The following CLCN4 variants were observed in gnomAD, a reference collection of about 807,000 sequenced individuals.
CLCN4 encodes the protein Cl-/H+ antiporter 4, also known as H(+)/Cl(-) exchange transporter 4.
A neutral mutation model predicts 41.7 loss-of-function variants in CLCN4; 1 was observed. The ratio of observed to expected loss-of-function variants is 0.02; its 90% CI spans 0.01 to 0.11. The LOEUF is 0.11. Among genes scored for constraint, CLCN4 ranks in the 10% least tolerant of loss-of-function variants. The probability of loss-of-function intolerance (pLI) is 1.00; values close to 1 mark genes in which losing one functional copy is unlikely to be tolerated. For missense variants in CLCN4, 287 were observed against 661.0 expected (o/e 0.43, Z 6.20); for synonymous variants, 277 against 285.8 (o/e 0.97, Z 0.31).
At chrX:10,228,488 C>T (rs1428921594) in intron 12 of CLCN4, among the ~76,000 whole-genome samples, 1 of 110,793 alleles carries the variant, frequency 9.0e-6, no homozygotes, top group Non-Finnish European at 1.9e-5. Context: ...GGGGAGTAGA[C>T]CTGGGCGTGA....
rs910181067 is a variant in CLCN4, at chrX:10,187,759, A to G, written c.244+145A>G. On this transcript the variant is annotated intron_variant, in intron 4 of 12. Transcript: ENST00000380833. ...GAGGGATTTATTACTTGAAATATCT[A>G]AGGGCAAAATGCATGGCTGTATATT... The G allele has an allele frequency of 8.4e-6, 4 of 475,794 alleles. No individual in the cohort carries two copies. The Admixed American group carries it at 1.0e-4, about 12-fold the overall frequency. 39.2% of individuals were successfully genotyped at this position (475,794 alleles called of 1,213,427 possible).
At chrX:10,210,084 T>C (rs1386870320) in intron 9 of CLCN4, among the ~76,000 whole-genome samples, 2 of 111,808 alleles carry the variant, frequency 1.8e-5, no homozygotes, top group Non-Finnish European at 3.8e-5. Flanking sequence ...ATAAATGATA[T>C]CATATAATAT....
At position 10,233,838 on chromosome X, in the gene CLCN4, A is replaced by C. The variant is rs1451143740; in HGVS notation, c.*254A>C. The C allele has an allele frequency of 2.4e-5, 8 of 340,198 alleles. No homozygotes were observed. Among genetic ancestry groups the C allele is most frequent in the African/African-American group, 2.1e-4 (8 of 37,925 alleles). The allele number at this position is 340,198 out of a possible 1,213,427, so 28.0% of individuals were successfully genotyped here. A position where few individuals can be genotyped will look rare whatever the true frequency, so the allele number is the denominator to read the frequency against. On this transcript the variant is annotated 3_prime_UTR_variant, in exon 13 of 13. Coordinates refer to ENST00000380833, the MANE Select transcript of CLCN4 (RefSeq NM_001830.4). ...ATGAGTTTGCTACTGCTGTGGGGGCATGTGGGTGGGTAAATGATGTAAATG... is the reference window on the plus strand; with the variant it reads ...ATGAGTTTGCTACTGCTGTGGGGGCCTGTGGGTGGGTAAATGATGTAAATG...
chrX:10,212,400 C>T, intron 9 of CLCN4, 67 bp from the exon 10 acceptor site: 1 of 1,072,140 alleles, frequency 9.3e-7, no homozygotes, highest in Non-Finnish European at 1.3e-6. Flanking sequence ...GAATGTGTTT[C>T]TTGGGGGTCG....
At position 10,217,112 on chromosome X, in the gene CLCN4, A is replaced by T. The variant is rs747375877; in HGVS notation, c.1975+3033A>T. On this transcript the variant is annotated intron_variant, in intron 11 of 12. Coordinates refer to ENST00000380833, the MANE Select transcript of CLCN4 (RefSeq NM_001830.4). ...CTGTCTTATGGACGCATTTAAAAAAATTTTTTGAGACAGGGTCTCGCTGTT... is the reference window on the plus strand; with the variant it reads ...CTGTCTTATGGACGCATTTAAAAAATTTTTTTGAGACAGGGTCTCGCTGTT... 2.4e-3 allele frequency among the ~76,000 whole-genome samples: 259 copies of T among 106,319 alleles called. 1 individual carries two copies. Among genetic ancestry groups the T allele is most frequent in the African/African-American group, 7.7e-3 (225 of 29,059 alleles). The allele number at this position is 106,319 out of a possible 115,157, so 92.3% of individuals were successfully genotyped here. A position where few individuals can be genotyped will look rare whatever the true frequency, so the allele number is the denominator to read the frequency against.
intron 4 of CLCN4, among the ~76,000 whole-genome samples, chrX:10,192,676 G>C (rs1354990962): frequency 8.9e-6 from 1 of 112,016 alleles, no homozygotes; most frequent in Non-Finnish European, 1.9e-5. Flanking sequence ...GAGTGGCACA[G>C]GTCAGTCTGG....
intron 2 of CLCN4, among the ~76,000 whole-genome samples, chrX:10,175,571 G>A (rs952907567): frequency 8.1e-5 from 9 of 111,575 alleles, no homozygotes; most frequent in African/African-American, 2.6e-4. Context: ...AAGAAATGAA[G>A]CTTTTGAGAT....
At chrX:10,157,362 G>A (rs2239937) in intron 1 of CLCN4, among the ~76,000 whole-genome samples, 50,782 of 110,857 alleles carry the variant, frequency 0.46, 8,568 homozygotes, top group East Asian at 0.94. Context: ...CTTAACTCTA[G>A]CCTGCTTGTA....
chrX:10,172,708 G>A (rs1158471752), intron 2 of CLCN4, among the ~76,000 whole-genome samples: 2 of 109,790 alleles, frequency 1.8e-5, no homozygotes, highest in Non-Finnish European at 3.8e-5. Flanking sequence ...TGTGAGCATT[G>A]TGGGGGCAGA....
At chrX:10,169,791 CT>C (rs768158943) in intron 2 of CLCN4, among the ~76,000 whole-genome samples, 35 of 58,520 alleles carry the variant, frequency 6.0e-4, no homozygotes, top group East Asian at 1.6e-3. Flanking sequence ...CTTTTCTTTT[CT>C]TTTTTTTTTT....
At chrX:10,162,820 G>A (rs1333930266) in intron 2 of CLCN4, among the ~76,000 whole-genome samples, 3 of 112,424 alleles carry the variant, frequency 2.7e-5, no homozygotes, top group Non-Finnish European at 5.6e-5. Flanking sequence ...GGAGTCCCCA[G>A]ATGACACTTT....
chrX:10,163,658 G>A (rs1046888396), intron 2 of CLCN4, among the ~76,000 whole-genome samples: 1 of 111,726 alleles, frequency 9.0e-6, no homozygotes, highest in Non-Finnish European at 1.9e-5. Flanking sequence ...TGCCCGCCTC[G>A]GCCTCCCAAA....
chrX:10,193,416 A>G (rs1331730503), intron 4 of CLCN4, among the ~76,000 whole-genome samples: 1 of 111,963 alleles, frequency 8.9e-6, no homozygotes, highest in Admixed American at 9.5e-5. Flanking sequence ...ATAAAAAGAG[A>G]AAAGGGTTTA....
At chrX:10,215,171 G>A (rs1924672743) in intron 11 of CLCN4, among the ~76,000 whole-genome samples, 1 of 111,991 alleles carries the variant, frequency 8.9e-6, no homozygotes, top group African/African-American at 3.2e-5. Flanking sequence ...GACTTTCCCT[G>A]GTCTGATGTT....
At chrX:10,177,676 T>C (rs1923568963) in intron 2 of CLCN4, among the ~76,000 whole-genome samples, 2 of 112,109 alleles carry the variant, frequency 1.8e-5, no homozygotes, top group Non-Finnish European at 3.8e-5. Flanking sequence ...ACATGTTTAC[T>C]TCAATAAAAA....
At chrX:10,170,977 C>T (rs1321942390) in intron 2 of CLCN4, among the ~76,000 whole-genome samples, 1 of 112,445 alleles carries the variant, frequency 8.9e-6, no homozygotes, top group Non-Finnish European at 1.9e-5. Flanking sequence ...CTCCGCCTCC[C>T]GGGTTCATGA....
chrX:10,180,767 C>CAAAAAA (rs869040200), intron 2 of CLCN4, among the ~76,000 whole-genome samples: 31 of 25,032 alleles, frequency 1.2e-3, no homozygotes, highest in East Asian at 8.0e-3. Context: ...AACTCCATCT[C>CAAAAAA]AAAAAAAAAA....
At position 10,191,692 on chromosome X, in the gene CLCN4, A is replaced by ATTTT. The variant is rs760315418; in HGVS notation, c.245-3194_245-3191dup. 2.3e-3 allele frequency among the ~76,000 whole-genome samples: 116 copies of ATTTT among 49,774 alleles called. 5 individuals are homozygous for ATTTT. Among genetic ancestry groups the ATTTT allele is most frequent in the African/African-American group, 6.7e-3 (73 of 10,848 alleles). 43.2% of individuals were successfully genotyped at this position (49,774 alleles called of 115,157 possible). ...AGGCGCGTGCCACCATATCTGGTTA[A>ATTTT]TTTTTTTTTTTTTTTTTTTTTTTTT... is the stretch of plus-strand genomic sequence containing the variant. On this transcript the variant is annotated intron_variant, in intron 4 of 12. Coordinates refer to ENST00000380833, the MANE Select transcript of CLCN4 (RefSeq NM_001830.4).
intron 4 of CLCN4, among the ~76,000 whole-genome samples, chrX:10,194,093 C>T (rs1400494654): frequency 1.8e-5 from 2 of 109,777 alleles, no homozygotes; most frequent in African/African-American, 3.3e-5. Context: ...GGGCGGTGTC[C>T]GATGCAACAC....
Sources: gnomAD v4.1 joint callset for allele counts (sites outside exome capture counted in the v4.1 genomes callset) on GRCh38, gnomAD v4.1.1 for gene constraint, MANE v1.5 for transcripts, NCBI Gene and HGNC (gene_info 2026-07-23, HGNC 2026-07-21) for gene names.